ZNF536: variants seen among roughly 807,000 people sequenced by gnomAD.
ZNF536 encodes the protein zinc finger protein 536.
Under a neutral mutation model 84.5 loss-of-function variants are expected in ZNF536, and 13 were observed. The ratio of observed to expected loss-of-function variants is 0.15; its 90% CI spans 0.10 to 0.24. The LOEUF is 0.24. ZNF536 is among the 10% of genes least tolerant of loss of function. The pLI is 1.00. For synonymous variants in ZNF536, 811 were observed against 742.5 expected, an observed-to-expected ratio of 1.09 and a Z score of -1.50; for missense variants, 1,536 against 1,747.5, an observed-to-expected ratio of 0.88 and a Z score of 2.16.
Position 30,396,815 on chromosome 19 carries a change from G to C in ZNF536, c.-3+24259G>C, listed in dbSNP as rs946224657. Among the ~76,000 whole-genome samples, 12 of 152,210 alleles carry C rather than the reference G, an allele frequency of 7.9e-5. No individual in the cohort carries two copies. The South Asian group carries it at 2.1e-3, about 26-fold the overall frequency. On this transcript the variant is annotated intron_variant, in intron 1 of 4. Transcript: ENST00000355537. ...AGACGGGGTTTCACCATGCTGGCCA[G>C]GCTCGTCTCGAACTCCTGACCTCAG...
chr19:30,385,642 A>G (rs1341785737), intron 1 of ZNF536, among the ~76,000 whole-genome samples: 1 of 152,102 alleles, frequency 6.6e-6, no homozygotes, highest in African/African-American at 2.4e-5. Context: ...ACAAGCTGCC[A>G]TCTCCCAGGG....
intron 1 of ZNF536, among the ~76,000 whole-genome samples, chr19:30,240,333 A>G (rs956759400): frequency 3.3e-5 from 5 of 151,928 alleles, no homozygotes; most frequent in African/African-American, 9.7e-5. Context: ...AGATCGTGTC[A>G]CTACACTCCA....
At chr19:30,513,156 A>G (rs1238812498) in intron 2 of ZNF536, among the ~76,000 whole-genome samples, 2 of 152,190 alleles carry the variant, frequency 1.3e-5, no homozygotes, top group African/African-American at 4.8e-5. Context: ...CAAAACCACA[A>G]AACAATTTAG....
intron 2 of ZNF536, among the ~76,000 whole-genome samples, chr19:30,517,996 C>T (rs1026282168): frequency 3.9e-5 from 6 of 152,100 alleles, no homozygotes; most frequent in Admixed American, 2.0e-4. Context: ...TTGCCAGGTC[C>T]GCAGAGTTAT....
upstream of ZNF536, among the ~76,000 whole-genome samples, chr19:30,371,568 T>G (rs968776141): frequency 1.3e-5 from 2 of 151,168 alleles, no homozygotes; most frequent in Non-Finnish European, 2.9e-5. Flanking sequence ...GTTTTTTTTT[T>G]TTTGTTTTTT....
At chr19:30,526,707 G>C (rs1199318845) in intron 2 of ZNF536, among the ~76,000 whole-genome samples, 1 of 99,608 alleles carries the variant, frequency 1.0e-5, no homozygotes, top group African/African-American at 3.5e-5. Flanking sequence ...CTGGGCGACA[G>C]AGCGAGACTC....
chr19:30,487,408 A>G (rs771508510), intron 2 of ZNF536, among the ~76,000 whole-genome samples: 4 of 152,122 alleles, frequency 2.6e-5, no homozygotes, highest in Non-Finnish European at 5.9e-5. Flanking sequence ...CTGAATGTGG[A>G]CCAGGGGCCG....
At chr19:30,254,523 AT>A (rs35779261) in intron 1 of ZNF536, among the ~76,000 whole-genome samples, 3,475 of 119,638 alleles carry the variant, frequency 0.029, 96 homozygotes, top group African/African-American at 0.073. Flanking sequence ...AGAACCTTTG[AT>A]TTTTTTTTTT....
At chr19:30,543,082 G>T (rs1006292801) in intron 3 of ZNF536, among the ~76,000 whole-genome samples, 2 of 152,160 alleles carry the variant, frequency 1.3e-5, no homozygotes, top group Non-Finnish European at 2.9e-5. Flanking sequence ...AAGTGCTAGG[G>T]TTACAGGCCT....
At chr19:30,403,148 G>A (rs1372956150) in intron 1 of ZNF536, among the ~76,000 whole-genome samples, 1 of 152,098 alleles carries the variant, frequency 6.6e-6, no homozygotes, top group Non-Finnish European at 1.5e-5. Context: ...GCTTAAAATG[G>A]CATCAATAAC....
At chr19:30,675,286 G>A (rs529533421) in intron 1 of ZNF536, among the ~76,000 whole-genome samples, 1 of 152,306 alleles carries the variant, frequency 6.6e-6, no homozygotes, top group South Asian at 2.1e-4. Flanking sequence ...ATTTGCCCTT[G>A]AGTTTGCTGA....
intron 1 of ZNF536, among the ~76,000 whole-genome samples, chr19:30,694,671 T>G (rs1367768734): frequency 7.2e-6 from 1 of 139,800 alleles, no homozygotes; most frequent in African/African-American, 2.5e-5. Context: ...TGGCAATGAA[T>G]TACATTTTTT....
rs1003618046 is a variant in ZNF536 at position 30,420,050 on chromosome 19, G to C, written c.-2-23511G>C. The stretch of plus-strand genomic sequence containing the variant: ...AGGCAGGCTGGGCGCTGGGCAGAAA[G>C]GGTGCAGGGCATCTGCAGGGACCCA... On this transcript the variant is annotated intron_variant, in intron 1 of 4. Coordinates refer to ENST00000355537, the MANE Select transcript of ZNF536 (RefSeq NM_014717.3). 2.6e-5 allele frequency among the ~76,000 whole-genome samples: 4 copies of C among 152,178 alleles called. No individual in the cohort carries two copies. The East Asian group carries it at 5.8e-4, about 22-fold the overall frequency.
upstream of ZNF536, among the ~76,000 whole-genome samples, chr19:30,367,935 A>G (rs2048490189): frequency 1.3e-5 from 2 of 152,070 alleles, no homozygotes; most frequent in African/African-American, 4.8e-5. Flanking sequence ...AAGGCTAAGC[A>G]CAGCATTTTC....
intron 3 of ZNF536, among the ~76,000 whole-genome samples, chr19:30,356,082 T>C (rs903683683): frequency 1.3e-5 from 2 of 152,204 alleles, no homozygotes; most frequent in African/African-American, 2.4e-5. Flanking sequence ...CGTTGGTAAC[T>C]AAATAAATCA....
At chr19:30,606,743 C>A (rs7248448) in intron 1 of ZNF536, among the ~76,000 whole-genome samples, 46,725 of 151,940 alleles carry the variant, frequency 0.31, 7,358 homozygotes, top group Admixed American at 0.37. Flanking sequence ...TCTGCAGACC[C>A]ATCCTGTGGA....
intron 1 of ZNF536, among the ~76,000 whole-genome samples, chr19:30,243,273 T>C (rs1008352780): frequency 2.6e-5 from 4 of 152,192 alleles, no homozygotes; most frequent in Non-Finnish European, 4.4e-5. Context: ...ACTCATTAAT[T>C]TGATTATTTT....
In ZNF536 at chr19:30,228,636, A is replaced by G. The variant is rs1334000940; in HGVS notation, c.-227A>G. The G allele has an allele frequency of 6.6e-6, 1 of 151,814 alleles. No homozygotes were observed. Among genetic ancestry groups the G allele is most frequent in the Non-Finnish European group, 1.5e-5 (1 of 67,964 alleles). 9.4% of individuals were successfully genotyped at this position (151,814 alleles called of 1,614,324 possible). The stretch of plus-strand genomic sequence containing the variant: ...GAAACTTGTTTGAAAACCCAAGTGA[A>G]AACCGCGACGATCTGCACACTCAAA... On this transcript the variant is annotated 5_prime_UTR_variant, in exon 1 of 6. Transcript: ENST00000585628. This position sits in a 1 kb window ranked among gnomAD's most constrained non-coding sequence, Gnocchi z 4.5.
At chr19:30,550,389 C>T (rs964290883) in intron 4 of ZNF536, among the ~76,000 whole-genome samples, 2 of 152,238 alleles carry the variant, frequency 1.3e-5, no homozygotes, top group African/African-American at 4.8e-5. Context: ...ATTGTCTTGG[C>T]ACCCTGATAT....
Sources: allele counts gnomAD v4.1 joint callset (sites outside exome capture counted in the v4.1 genomes callset), GRCh38; gene constraint gnomAD v4.1.1; non-coding constraint Gnocchi (gnomAD v3.1); transcripts MANE v1.5; gene names NCBI Gene and HGNC (gene_info 2026-07-23, HGNC 2026-07-21).